The following CORO7 variants were observed in gnomAD, a reference collection of about 807,000 sequenced individuals.
The protein encoded by CORO7 is coronin-7.
Under a neutral mutation model 126.6 loss-of-function variants are expected in CORO7, and 107 were observed. The observed-to-expected ratio is 0.85, with a 90% CI of 0.72 to 0.99. The LOEUF (loss-of-function observed/expected upper bound fraction) is 0.99. Ranked by LOEUF, CORO7 falls within the 50% of genes least tolerant of loss-of-function variation. The probability of loss-of-function intolerance (pLI) is 0.00; values close to 1 mark genes in which losing one functional copy is unlikely to be tolerated. For missense variants in CORO7, 1,314 were observed against 1,255.8 expected, an observed-to-expected ratio of 1.05 and a Z score of -0.70; for synonymous variants, 603 against 536.8, an observed-to-expected ratio of 1.12 and a Z score of -1.70.
chr16:4,357,339 TTTCTTTTC>T lies in CORO7; in HGVS notation c.2594-88_2594-81del, dbSNP rs1443478262. ...TGCCAAGCCCTCGGGGATTTCTTTC[TTTCTTTTC>T]TTTCTTTCTTTTTTTTTTTTTTTTT... On this transcript the variant is annotated intron_variant, in intron 25 of 27. Transcript: ENST00000251166. 3.0e-6 allele frequency: 4 copies of T among 1,313,612 alleles called. No individual in the cohort carries two copies. The African/African-American group carries it at 6.5e-5, about 21-fold the overall frequency. 81.4% of individuals were successfully genotyped at this position (1,313,612 alleles called of 1,614,324 possible).
At chr16:4,372,649 A>G (rs1423721519) in intron 9 of CORO7, among the ~76,000 whole-genome samples, 1 of 152,178 alleles carries the variant, frequency 6.6e-6, no homozygotes, top group Non-Finnish European at 1.5e-5. Context: ...GCCTGGAGCC[A>G]GCCTAGTCCT....
intron 6 of CORO7, among the ~76,000 whole-genome samples, chr16:4,399,176 AT>A (rs2055710852): frequency 6.6e-6 from 1 of 152,202 alleles, no homozygotes; most frequent in Non-Finnish European, 1.5e-5. Flanking sequence ...ATGAAGAGAT[AT>A]TTGCACACCC....
rs115231567 is a variant in CORO7 at position 4,415,849 on chromosome 16, C to G, written c.60+610G>C. 2.8e-3 allele frequency: 2,726 copies of G among 985,602 alleles called. 74 individuals are homozygous for G. In the African/African-American group the frequency reaches 0.045, roughly 16 times the overall value. The allele number at this position is 985,602 out of a possible 1,614,324, so 61.1% of individuals were successfully genotyped here. ...GCAATTCTTTGGGGCTCCACCTGCT[C>G]AGGCTTCCCCAGGCCCCACCCAGCC... On this transcript the variant is annotated intron_variant, in intron 1 of 27. Transcript: ENST00000251166.
chr16:4,372,328 C>T (rs566330789), intron 9 of CORO7, among the ~76,000 whole-genome samples: 6 of 152,252 alleles, frequency 3.9e-5, no homozygotes, highest in African/African-American at 1.2e-4. Flanking sequence ...ATGAATCAAA[C>T]CCCTTTGAGG....
intron 9 of CORO7, among the ~76,000 whole-genome samples, chr16:4,378,803 G>C (rs922426652): frequency 2.0e-5 from 3 of 152,000 alleles, no homozygotes; most frequent in Admixed American, 6.5e-5. Flanking sequence ...GGGGGCACAC[G>C]ACAGCAAGGG....
Position 4,364,224 on chromosome 16 carries a change from G to C in CORO7, c.1275+52C>G, listed in dbSNP as rs2054274372. ...GGCCGTTCAGCCGGTGAACACTCAGGGCAGCCACTGCAGTGTCGCTGAGGG... is the reference window on the plus strand; with the variant it reads ...GGCCGTTCAGCCGGTGAACACTCAGCGCAGCCACTGCAGTGTCGCTGAGGG... On this transcript the variant is annotated intron_variant, in intron 14 of 27. Coordinates refer to ENST00000251166, the MANE Select transcript of CORO7 (RefSeq NM_024535.5). 2.0e-6 allele frequency: 3 copies of C among 1,478,272 alleles called. No individual in the cohort carries two copies. The South Asian group carries it at 4.3e-5, about 21-fold the overall frequency. 91.6% of individuals were successfully genotyped at this position (1,478,272 alleles called of 1,614,324 possible). A position where few individuals can be genotyped will look rare whatever the true frequency, so the allele number is the denominator to read the frequency against.
intron 4 of CORO7, 139 bp from the exon 5 acceptor site, chr16:4,407,823 C>T (rs917573050): frequency 9.0e-7 from 1 of 1,105,764 alleles, no homozygotes. Context: ...GAGGAGCGCC[C>T]ACCCGCCTCA....
chr16:4,394,983 A>G (rs1225262393), intron 7 of CORO7, among the ~76,000 whole-genome samples: 2 of 152,140 alleles, frequency 1.3e-5, no homozygotes, highest in Admixed American at 6.6e-5. Flanking sequence ...TGCCAGGGTG[A>G]AGGTCTCAAA....
chr16:4,398,195 C>T (rs1043466992), intron 6 of CORO7, among the ~76,000 whole-genome samples: 1 of 152,166 alleles, frequency 6.6e-6, no homozygotes, highest in African/African-American at 2.4e-5. Context: ...GCTGGGATTA[C>T]AGGTGTGAGC....
At chr16:4,399,975 A>C (rs2055741914) in intron 6 of CORO7, among the ~76,000 whole-genome samples, 1 of 152,254 alleles carries the variant, frequency 6.6e-6, no homozygotes, top group Admixed American at 6.5e-5. Context: ...ATACCATATA[A>C]TTCCAACTAT....
In CORO7 at chr16:4,360,605, C is replaced by A; in HGVS notation, c.1918-57G>T. Reference sequence around the variant, plus strand: ...TTGCTTCACTGCTGGCCCCACCTCTCCCCACTGCTCCTGCCCCTCCTCACT... The same window carrying A: ...TTGCTTCACTGCTGGCCCCACCTCTACCCACTGCTCCTGCCCCTCCTCACT... On this transcript the variant is annotated intron_variant, in intron 19 of 27. Transcript: ENST00000251166. The A allele has an allele frequency of 2.0e-6, 3 of 1,537,082 alleles. No individual in the cohort carries two copies. In the South Asian group the frequency reaches 3.6e-5, roughly 18 times the overall value.
chr16:4,377,324 C>T (rs2054771275), intron 9 of CORO7, among the ~76,000 whole-genome samples: 1 of 135,838 alleles, frequency 7.4e-6, no homozygotes, highest in Non-Finnish European at 1.6e-5. Context: ...GATCAAATAT[C>T]AAAGCCCAGG....
rs552516775 is a variant in CORO7 at position 4,385,449 on chromosome 16, T to C, written c.785+2537A>G. 1.2e-4 allele frequency among the ~76,000 whole-genome samples: 19 copies of C among 152,190 alleles called. No individual in the cohort carries two copies. In the South Asian group the frequency reaches 3.9e-3, roughly 32 times the overall value. ...AGTTCACCCAGCCCCCTCACAGGCATTCACACACTCATCCCCGCTCAATTC... is the reference window on the plus strand; with the variant it reads ...AGTTCACCCAGCCCCCTCACAGGCACTCACACACTCATCCCCGCTCAATTC... On this transcript the variant is annotated intron_variant, in intron 9 of 27. Transcript: ENST00000251166.
At chr16:4,375,724 G>A (rs1422689161) in intron 9 of CORO7, among the ~76,000 whole-genome samples, 1 of 152,184 alleles carries the variant, frequency 6.6e-6, no homozygotes. Context: ...TCCTGACCTC[G>A]TGATCGTCCT....
At chr16:4,355,221 C>A in intron 27 of CORO7, 58 bp from the exon 28 acceptor site, 1 of 1,599,304 alleles carries the variant, frequency 6.3e-7, no homozygotes, top group Non-Finnish European at 8.5e-7. Context: ...AGGGAGGAGG[C>A]ATGCACCGTG....
intron 26 of CORO7, chr16:4,356,859 A>G (rs961164744): frequency 7.4e-6 from 3 of 403,216 alleles, no homozygotes; most frequent in African/African-American, 2.1e-5. Flanking sequence ...TACAAGGGCT[A>G]CTATCTCTGC....
chr16:4,378,124 A>C (rs1350976306), intron 9 of CORO7, among the ~76,000 whole-genome samples: 1 of 152,126 alleles, frequency 6.6e-6, no homozygotes, highest in African/African-American at 2.4e-5. Flanking sequence ...GCTGGCCTGC[A>C]CACCTGGCCT....
intron 9 of CORO7, among the ~76,000 whole-genome samples, chr16:4,366,279 G>A (rs1239151529): frequency 2.6e-5 from 4 of 152,180 alleles, no homozygotes; most frequent in South Asian, 2.1e-4. Context: ...TGGCAGCTGG[G>A]AATAGAGTGG....
At chr16:4,415,674 A>T in intron 1 of CORO7, 1 of 982,846 alleles carries the variant, frequency 1.0e-6, no homozygotes, top group Non-Finnish European at 1.2e-6. Flanking sequence ...CTTGAGGTCA[A>T]CTCCTAGGCC....
Sources: gnomAD v4.1 joint callset for allele counts (sites outside exome capture counted in the v4.1 genomes callset) on GRCh38, gnomAD v4.1.1 for gene constraint, MANE v1.5 for transcripts, NCBI Gene and HGNC (gene_info 2026-07-23, HGNC 2026-07-21) for gene names.